The following ACSM6 variants were observed in gnomAD, a reference collection of about 807,000 sequenced individuals.
ACSM6 encodes acyl-CoA synthetase medium chain family member 6, also known as acyl-coenzyme A synthetase ACSM6, mitochondrial.
Under a neutral mutation model 51.1 loss-of-function variants are expected in ACSM6, and 35 were observed. The ratio of observed to expected loss-of-function variants is 0.69; its 90% CI spans 0.52 to 0.91. The LOEUF (loss-of-function observed/expected upper bound fraction) is 0.91, where lower values mean the gene tolerates loss of function less well. Ranked by LOEUF, ACSM6 falls within the 40% of genes least tolerant of loss-of-function variation. ACSM6 has a pLI of 0.00. For synonymous variants in ACSM6, 172 were observed against 207.3 expected, an observed-to-expected ratio of 0.83 and a Z score of 1.46; for missense variants, 509 against 584.1, an observed-to-expected ratio of 0.87 and a Z score of 1.32.
intron 5 of ACSM6, among the ~76,000 whole-genome samples, chr10:95,211,526 C>T (rs897069854): frequency 2.6e-5 from 4 of 152,320 alleles, no homozygotes; most frequent in South Asian, 2.1e-4. Flanking sequence ...TAAGCAACAA[C>T]GGCCAGTAGA....
chr10:95,215,026 A>T, intron 8 of ACSM6, 51 bp downstream of exon 8: 1 of 1,545,944 alleles, frequency 6.5e-7, no homozygotes, highest in East Asian at 2.4e-5. Flanking sequence ...TTGCCCATTC[A>T]CTGTGTAAGC....
chr10:95,210,323 AGGTAG>A (rs1353762023), intron 4 of ACSM6, among the ~76,000 whole-genome samples: 1 of 152,180 alleles, frequency 6.6e-6, no homozygotes, highest in African/African-American at 2.4e-5. Context: ...ACAGATAGCT[AGGTAG>A]GTAAGTCGAT....
chr10:95,227,613 A>G (rs1439121070), intron 10 of ACSM6, among the ~76,000 whole-genome samples: 1 of 152,270 alleles, frequency 6.6e-6, no homozygotes, highest in African/African-American at 2.4e-5. Context: ...GAAGAGACCC[A>G]GATATCTCAC....
chr10:95,198,086 G>A (rs2034754279), intron 2 of ACSM6, among the ~76,000 whole-genome samples: 1 of 152,206 alleles, frequency 6.6e-6, no homozygotes, highest in African/African-American at 2.4e-5. Context: ...CAAAGTGGCT[G>A]GGGCAAAGCT....
At chr10:95,201,857 C>G (rs1355847550) in intron 2 of ACSM6, 128 bp from the exon 3 acceptor site, 1 of 711,810 alleles carries the variant, frequency 1.4e-6, no homozygotes, top group Non-Finnish European at 2.4e-6. Context: ...AACAGTAGCT[C>G]CCCCTAAGCC....
At chr10:95,221,291 T>G (rs577454139) in intron 9 of ACSM6, among the ~76,000 whole-genome samples, 2 of 152,228 alleles carry the variant, frequency 1.3e-5, no homozygotes, top group African/African-American at 4.8e-5. Context: ...CTATGAATAA[T>G]TATATGTCAA....
intron 2 of ACSM6, among the ~76,000 whole-genome samples, chr10:95,196,012 C>G (rs1361812596): frequency 6.6e-6 from 1 of 152,172 alleles, no homozygotes; most frequent in Non-Finnish European, 1.5e-5. Flanking sequence ...CCCACCCATT[C>G]TGCCTTCCCA....
intron 4 of ACSM6, among the ~76,000 whole-genome samples, chr10:95,208,317 C>T (rs1040223473): frequency 1.3e-5 from 2 of 151,950 alleles, no homozygotes; most frequent in Non-Finnish European, 1.5e-5. Context: ...ACTGGAGACT[C>T]GGAAAGGTCA....
intron 10 of ACSM6, chr10:95,226,496 G>A (rs682349): frequency 0.16 from 24,472 of 152,174 alleles, 2,135 homozygotes; most frequent in Middle Eastern, 0.39. Context: ...TAAACTGAGA[G>A]CAGGACGTCA....
chr10:95,210,949 G>A (rs2034887245), intron 5 of ACSM6, among the ~76,000 whole-genome samples, 156 bp downstream of exon 5: 1 of 152,210 alleles, frequency 6.6e-6, no homozygotes, highest in Non-Finnish European at 1.5e-5. Context: ...CCCAAAAGAT[G>A]AAAAGCAAAT....
At chr10:95,215,023 T>C (rs886566548) in intron 8 of ACSM6, 48 bp downstream of exon 8, 2 of 1,547,016 alleles carry the variant, frequency 1.3e-6, no homozygotes, top group East Asian at 2.4e-5. Context: ...AACTTGCCCA[T>C]TCACTGTGTA....
At chr10:95,224,025 AAATT>A (rs919762896) in intron 9 of ACSM6, among the ~76,000 whole-genome samples, 3 of 152,198 alleles carry the variant, frequency 2.0e-5, no homozygotes, top group African/African-American at 4.8e-5. Context: ...TCAAAAAATA[AAATT>A]AATAGAACAA....
At chr10:95,217,346 C>CAAAA (rs71986766) in intron 8 of ACSM6, among the ~76,000 whole-genome samples, 11 of 138,368 alleles carry the variant, frequency 7.9e-5, no homozygotes, top group Non-Finnish European at 1.7e-4. Context: ...GACTCCATCT[C>CAAAA]AAAAAAAAAA....
intron 3 of ACSM6, among the ~76,000 whole-genome samples, chr10:95,204,533 G>A (rs1021499886): frequency 2.0e-5 from 3 of 152,080 alleles, no homozygotes; most frequent in Non-Finnish European, 4.4e-5. Context: ...CAGCCTGGGT[G>A]CCAGAATGAG....
intron 6 of ACSM6, among the ~76,000 whole-genome samples, 156 bp from the exon 7 acceptor site, chr10:95,212,702 G>A (rs1042947898): frequency 6.6e-6 from 1 of 152,110 alleles, no homozygotes; most frequent in Admixed American, 6.5e-5. Context: ...TGGAAGGTGG[G>A]GAATCACTAA....
At chr10:95,194,717 G>C in intron 2 of ACSM6, 40 bp downstream of exon 2, 1 of 1,510,772 alleles carries the variant, frequency 6.6e-7, no homozygotes, top group African/African-American at 1.4e-5. Flanking sequence ...CTTTGGCCAA[G>C]GCCAGTTGGT....
chr10:95,210,732 G>A (rs371368835), exon 5 of ACSM6: 10 of 1,613,886 alleles, frequency 6.2e-6, no homozygotes, highest in African/African-American at 1.3e-5. Context: ...TACAACAGGA[G>A]CTCCCAAAAT....
intron 4 of ACSM6, among the ~76,000 whole-genome samples, chr10:95,209,609 C>T (rs553881477): frequency 1.8e-4 from 28 of 152,112 alleles, no homozygotes; most frequent in African/African-American, 6.5e-4. Flanking sequence ...GAGGAACTCA[C>T]CTCAGGCACA....
intron 3 of ACSM6, among the ~76,000 whole-genome samples, chr10:95,205,800 A>C (rs979675076): frequency 1.4e-4 from 21 of 152,176 alleles, no homozygotes; most frequent in African/African-American, 5.1e-4. Flanking sequence ...AAAGAAAGAT[A>C]CTTCTTTGTG....
Sources: gnomAD v4.1 joint callset for allele counts (sites outside exome capture counted in the v4.1 genomes callset) on GRCh38, gnomAD v4.1.1 for gene constraint, MANE v1.5 for transcripts, NCBI Gene and HGNC (gene_info 2026-07-23, HGNC 2026-07-21) for gene names.